Variants in STARD13 observed in about 807,000 individuals in gnomAD.
STARD13 encodes StAR related lipid transfer domain containing 13.
Under a neutral mutation model 106.4 loss-of-function variants are expected in STARD13, and 62 were observed. The observed-to-expected ratio is 0.58, with a 90% CI of 0.48 to 0.72. STARD13 has a LOEUF of 0.72. STARD13 is among the 30% of genes least tolerant of loss of function. The probability of loss-of-function intolerance (pLI) is 0.00; values close to 1 mark genes in which losing one functional copy is unlikely to be tolerated. For missense variants in STARD13, 1,387 were observed against 1,424.0 expected (o/e 0.97, Z 0.42); for synonymous variants, 565 against 553.0 (o/e 1.02, Z -0.31).
chr13:33,176,822 C>A (rs1448647877), intron 1 of STARD13, among the ~76,000 whole-genome samples: 1 of 151,922 alleles, frequency 6.6e-6, no homozygotes, highest in Non-Finnish European at 1.5e-5. Flanking sequence ...CATAAACATG[C>A]CACAAATGTA....
At chr13:33,242,481 G>A (rs1262198195) in intron 1 of STARD13, among the ~76,000 whole-genome samples, 1 of 152,172 alleles carries the variant, frequency 6.6e-6, no homozygotes, top group Admixed American at 6.5e-5. Flanking sequence ...AACATGTGCT[G>A]TGTCCACTAA....
At chr13:33,667,134 T>C in the STARD13 span, among the ~76,000 whole-genome samples, 1 of 152,256 alleles carries the variant, frequency 6.6e-6, no homozygotes, top group Non-Finnish European at 1.5e-5. Flanking sequence ...ACATTGTTCA[T>C]TCTTGCCATT....
At chr13:33,605,818 G>A in the STARD13 span, among the ~76,000 whole-genome samples, 2 of 152,028 alleles carry the variant, frequency 1.3e-5, no homozygotes, top group Non-Finnish European at 2.9e-5. Flanking sequence ...TTCTACTTCG[G>A]TAGTCTCTTG....
At chr13:33,336,082 A>G (rs2077894211) in intron 1 of STARD13, 1 of 152,226 alleles carries the variant, frequency 6.6e-6, no homozygotes, top group Admixed American at 6.5e-5. Flanking sequence ...TGAATAAGAC[A>G]TTACCCTTTC....
At chr13:33,169,184 C>T (rs572768045) in intron 1 of STARD13, among the ~76,000 whole-genome samples, 16 of 152,316 alleles carry the variant, frequency 1.1e-4, no homozygotes, top group Middle Eastern at 3.4e-3. Flanking sequence ...GCATTTCTAT[C>T]AGAAAAGGAG....
chr13:33,320,296 C>G (rs1893508000), intron 1 of STARD13, among the ~76,000 whole-genome samples: 1 of 152,202 alleles, frequency 6.6e-6, no homozygotes, highest in African/African-American at 2.4e-5. Flanking sequence ...CTGTCCAGCT[C>G]AAACTCTAGG....
chr13:33,431,791 A>T, the STARD13 span, among the ~76,000 whole-genome samples: 1 of 152,228 alleles, frequency 6.6e-6, no homozygotes, highest in Non-Finnish European at 1.5e-5. Context: ...TCATTCAAAA[A>T]ATATATCAAA....
At chr13:33,127,950 G>C (rs903944914) in intron 5 of STARD13, among the ~76,000 whole-genome samples, 1 of 151,810 alleles carries the variant, frequency 6.6e-6, no homozygotes, top group Non-Finnish European at 1.5e-5. Flanking sequence ...GACGGAGACA[G>C]GGAGATATAG....
chr13:33,644,473 A>G, the STARD13 span, among the ~76,000 whole-genome samples: 2 of 152,180 alleles, frequency 1.3e-5, no homozygotes, highest in African/African-American at 2.4e-5. Context: ...CAGCGCACAC[A>G]CAGAGACACG....
the STARD13 span, among the ~76,000 whole-genome samples, chr13:33,477,154 C>T: frequency 1.3e-5 from 2 of 152,134 alleles, no homozygotes; most frequent in African/African-American, 4.8e-5. Flanking sequence ...TAACAAAATG[C>T]TTATGTTTTG....
At position 33,175,221 on chromosome 13, in the gene STARD13, C is replaced by T. The variant is rs1884388598; in HGVS notation, c.170-7599G>A. ...CCTCTTTCATTTGATACAGATTGTT[C>T]CAATCAGGCGCTTGTGGTATTTCTC... On this transcript the variant is annotated intron_variant, in intron 1 of 13. Coordinates refer to ENST00000336934, the MANE Select transcript of STARD13 (RefSeq NM_178006.4). 2.6e-5 allele frequency among the ~76,000 whole-genome samples: 4 copies of T among 152,094 alleles called. No individual in the cohort carries two copies. The South Asian group carries it at 8.3e-4, about 32-fold the overall frequency.
chr13:33,499,570 C>CT, the STARD13 span, among the ~76,000 whole-genome samples: 1 of 66,658 alleles, frequency 1.5e-5, no homozygotes, highest in South Asian at 6.0e-4. Context: ...TCTTCTTCTT[C>CT]TTCTTCTTCT....
At chr13:33,178,475 T>C (rs1013588165) in intron 1 of STARD13, among the ~76,000 whole-genome samples, 2 of 152,216 alleles carry the variant, frequency 1.3e-5, no homozygotes, top group Admixed American at 6.5e-5. Flanking sequence ...TTTCACATTC[T>C]GGATTAAGAC....
intron 1 of STARD13, among the ~76,000 whole-genome samples, chr13:33,235,884 C>G (rs142557661): frequency 6.4e-4 from 98 of 152,328 alleles, no homozygotes; most frequent in African/African-American, 2.1e-3. Context: ...CTAAGAGCAG[C>G]AGGTGTGCTT....
intron 1 of STARD13, among the ~76,000 whole-genome samples, chr13:33,301,574 T>TG (rs1892715627): frequency 6.8e-6 from 1 of 146,930 alleles, no homozygotes; most frequent in African/African-American, 2.5e-5. Flanking sequence ...TTTTCTTTTT[T>TG]TTTTTTTTTT....
At chr13:33,339,990 T>C (rs1304635429) in intron 1 of STARD13, among the ~76,000 whole-genome samples, 1 of 152,156 alleles carries the variant, frequency 6.6e-6, no homozygotes, top group Non-Finnish European at 1.5e-5. Flanking sequence ...AATCCATCAT[T>C]GTTTTCTAGT....
At chr13:33,603,839 A>C in the STARD13 span, among the ~76,000 whole-genome samples, 2 of 152,224 alleles carry the variant, frequency 1.3e-5, no homozygotes, top group Admixed American at 6.5e-5. Context: ...CCATTTAAAA[A>C]ACTTTAGGAA....
At chr13:33,465,203 T>C in the STARD13 span, among the ~76,000 whole-genome samples, 5 of 42,442 alleles carry the variant, frequency 1.2e-4, no homozygotes, top group Non-Finnish European at 2.7e-4. Context: ...GTCTTCTTCT[T>C]TTTTTTTTTT....
the STARD13 span, among the ~76,000 whole-genome samples, chr13:33,504,790 G>A: frequency 6.6e-6 from 1 of 152,066 alleles, no homozygotes; most frequent in African/African-American, 2.4e-5. Flanking sequence ...AATACCACCT[G>A]CCTTGGCCTG....
Sources: allele counts gnomAD v4.1 joint callset (sites outside exome capture counted in the v4.1 genomes callset), GRCh38; gene constraint gnomAD v4.1.1; transcripts MANE v1.5; gene names NCBI Gene and HGNC (gene_info 2026-07-23, HGNC 2026-07-21).